The following ENO4 variants were observed in gnomAD, a reference collection of about 807,000 sequenced individuals.
ENO4 encodes the protein 2-phospho-D-glycerate hydro-lyase.
In ENO4, 53 loss-of-function variants were observed where a neutral mutation model predicts 63.2. That is an observed-to-expected ratio of 0.84 (90% confidence interval 0.67 to 1.05). ENO4 has a LOEUF of 1.05. Ranked by LOEUF, ENO4 falls within the 50% of genes least tolerant of loss-of-function variation. The pLI is 0.00. For missense variants in ENO4, 719 were observed against 772.0 expected, an observed-to-expected ratio of 0.93 and a Z score of 0.81; for synonymous variants, 266 against 283.8, an observed-to-expected ratio of 0.94 and a Z score of 0.63.
chr10:116,895,234 C>T (rs1847477120), intron 10 of ENO4, among the ~76,000 whole-genome samples: 1 of 152,044 alleles, frequency 6.6e-6, no homozygotes, highest in African/African-American at 2.4e-5. Context: ...AGGTATTTGA[C>T]TTCTGGGAAA....
rs551000041 is a variant in ENO4, at chr10:116,907,625, A to C, written c.1195-3874A>C. 2.0e-5 allele frequency among the ~76,000 whole-genome samples: 3 copies of C among 152,288 alleles called. No individual in the cohort carries two copies. In the East Asian group the frequency reaches 5.8e-4, roughly 29 times the overall value. ...ACGTATTTCTCAGTGATACATAAGG[A>C]TTTAATACATCAACAAGTCTTTCAT... On this transcript the variant is annotated intron_variant, in intron 10 of 10. Coordinates refer to the ENO4 transcript ENST00000369207.
chr10:116,860,764 C>T (rs1407025481), intron 4 of ENO4, 30 bp from the exon 5 acceptor site: 2 of 1,313,594 alleles, frequency 1.5e-6, no homozygotes, highest in Non-Finnish European at 2.0e-6. Flanking sequence ...TTTAGAAATA[C>T]AGTCTTACTC....
intron 10 of ENO4, among the ~76,000 whole-genome samples, chr10:116,908,408 A>G (rs1237562737): frequency 1.3e-5 from 2 of 152,184 alleles, no homozygotes; most frequent in Non-Finnish European, 2.9e-5. Context: ...TAGAAGAGTC[A>G]CACCATAAGG....
At chr10:116,856,838 A>C (rs1846274843) in intron 3 of ENO4, among the ~76,000 whole-genome samples, 156 bp downstream of exon 3, 1 of 152,082 alleles carries the variant, frequency 6.6e-6, no homozygotes, top group African/African-American at 2.4e-5. Context: ...AAATACAAAA[A>C]ATTAGCCGGG....
chr10:116,851,891 C>T (rs1846098593), intron 1 of ENO4, among the ~76,000 whole-genome samples: 2 of 152,084 alleles, frequency 1.3e-5, no homozygotes, highest in Admixed American at 6.6e-5. Flanking sequence ...GGCACTGAAA[C>T]ACTATACCTC....
chr10:116,906,590 T>G, intron 10 of ENO4: 1 of 1,559,206 alleles, frequency 6.4e-7, no homozygotes, highest in Non-Finnish European at 8.7e-7. Context: ...GTTTCAGAGA[T>G]GAAGAGAAGG....
chr10:116,899,505 TGG>T (rs1847643746), intron 10 of ENO4, among the ~76,000 whole-genome samples: 1 of 101,898 alleles, frequency 9.8e-6, no homozygotes, highest in African/African-American at 5.2e-5. Flanking sequence ...TGGCTGGGGC[TGG>T]TGTGTGTGTG....
intron 10 of ENO4, chr10:116,901,224 T>C (rs1847722585): frequency 1.0e-6 from 1 of 985,228 alleles, no homozygotes; most frequent in South Asian, 4.7e-5. Flanking sequence ...ACACATTCAA[T>C]AGCAGGATTA....
intron 10 of ENO4, chr10:116,900,730 T>A (rs1293375480): frequency 1.0e-6 from 1 of 984,108 alleles, no homozygotes; most frequent in Admixed American, 6.2e-5. Context: ...CATCTTTCTG[T>A]TAGAACTGTT....
intron 10 of ENO4, among the ~76,000 whole-genome samples, chr10:116,910,806 A>G (rs1480261007): frequency 6.6e-6 from 1 of 152,248 alleles, no homozygotes; most frequent in Non-Finnish European, 1.5e-5. Context: ...CAATGGCTTT[A>G]ATACACTATT....
At chr10:116,900,061 A>C (rs1272675609) in intron 10 of ENO4, among the ~76,000 whole-genome samples, 1 of 152,264 alleles carries the variant, frequency 6.6e-6, no homozygotes, top group Non-Finnish European at 1.5e-5. Flanking sequence ...CAGAATTCTC[A>C]GATTCAATCT....
intron 8 of ENO4, among the ~76,000 whole-genome samples, 165 bp downstream of exon 8, chr10:116,868,871 T>C (rs548328784): frequency 6.6e-6 from 1 of 152,276 alleles, no homozygotes; most frequent in South Asian, 2.1e-4. Flanking sequence ...AGTATCATGC[T>C]GCCCCTGCCT....
chr10:116,851,137 ATCT>A (rs1403391362), intron 1 of ENO4, among the ~76,000 whole-genome samples: 6 of 152,324 alleles, frequency 3.9e-5, no homozygotes, highest in Admixed American at 1.3e-4. Flanking sequence ...CAGTATAATG[ATCT>A]TCTTATTCTA....
At chr10:116,879,406 A>G in intron 12 of ENO4, 48 bp downstream of exon 12, 6 of 1,403,658 alleles carry the variant, frequency 4.3e-6, no homozygotes, top group South Asian at 3.9e-5. Flanking sequence ...TTTATCACGA[A>G]TTGGTATTTC....
intron 4 of ENO4, among the ~76,000 whole-genome samples, chr10:116,859,979 C>A (rs1186802056): frequency 6.6e-6 from 1 of 152,062 alleles, no homozygotes; most frequent in Non-Finnish European, 1.5e-5. Context: ...GGTGGGATGG[C>A]CACTACTGAG....
intron 10 of ENO4, among the ~76,000 whole-genome samples, chr10:116,891,024 CA>C (rs1847328119): frequency 6.6e-6 from 1 of 152,140 alleles, no homozygotes; most frequent in Non-Finnish European, 1.5e-5. Context: ...AACTAATGCC[CA>C]AAAGAGCCCT....
At chr10:116,856,247 T>C (rs1846254152) in intron 2 of ENO4, among the ~76,000 whole-genome samples, 1 of 152,194 alleles carries the variant, frequency 6.6e-6, no homozygotes, top group African/African-American at 2.4e-5. Flanking sequence ...TTGTTATTTA[T>C]TGGAGAGGTA....
chr10:116,890,297 A>G (rs950054209), intron 10 of ENO4, among the ~76,000 whole-genome samples: 1 of 152,242 alleles, frequency 6.6e-6, no homozygotes, highest in African/African-American at 2.4e-5. Context: ...CTTAAATTTT[A>G]CAAGTATCAC....
chr10:116,877,434 T>A (rs1846869775), intron 11 of ENO4, among the ~76,000 whole-genome samples: 2 of 152,080 alleles, frequency 1.3e-5, no homozygotes, highest in South Asian at 4.2e-4. Flanking sequence ...CTAGGAGGGA[T>A]CAGAATTTGG....
Sources: allele counts gnomAD v4.1 joint callset (sites outside exome capture counted in the v4.1 genomes callset), GRCh38; gene constraint gnomAD v4.1.1; transcripts MANE v1.5; gene names NCBI Gene and HGNC (gene_info 2026-07-23, HGNC 2026-07-21).